Variants in CAV1 observed in about 807,000 individuals in gnomAD.
CAV1 encodes the protein caveolin-1.
CAV1 carries 10 observed loss-of-function variants against 16.5 expected under a neutral mutation model. That is an observed-to-expected ratio of 0.61 (90% confidence interval 0.37 to 1.03). CAV1 has a LOEUF of 1.03. Ranked by LOEUF, CAV1 falls within the 50% of genes least tolerant of loss-of-function variation. The pLI, the probability that CAV1 is intolerant of heterozygous loss-of-function variation, is 0.01. For synonymous variants in CAV1, 76 were observed against 85.1 expected, an observed-to-expected ratio of 0.89 and a Z score of 0.59; for missense variants, 212 against 232.8, an observed-to-expected ratio of 0.91 and a Z score of 0.58.
intron 2 of CAV1, among the ~76,000 whole-genome samples, chr7:116,544,110 A>C (rs935664195): frequency 1.3e-5 from 2 of 152,326 alleles, no homozygotes; most frequent in East Asian, 3.9e-4. Context: ...GGGCAGAGCT[A>C]TGCCAAAATC....
intron 1 of CAV1, chr7:116,525,393 G>A (rs1793535956): frequency 6.7e-7 from 1 of 1,494,510 alleles, no homozygotes; most frequent in East Asian, 2.6e-5. Flanking sequence ...TTTCTGGATG[G>A]GTCTAGGATG....
At chr7:116,525,198 C>T in intron 1 of CAV1, 106 bp downstream of exon 1, 1 of 1,613,734 alleles carries the variant, frequency 6.2e-7, no homozygotes, top group Non-Finnish European at 8.5e-7. Flanking sequence ...AGCCCTCTCT[C>T]CACTTCGGAG....
At position 116,526,695 on chromosome 7, in the gene CAV1, C is replaced by A. The variant is rs1278427225; in HGVS notation, c.195+6C>A. The A allele has an allele frequency of 6.2e-7, 1 of 1,613,994 alleles. No individual in the cohort carries two copies. Among genetic ancestry groups the A allele is most frequent in the Admixed American group, 1.7e-5 (1 of 60,022 alleles). ...TCAACGATGACGTGGTCAAGGTAAG[C>A]CAAGGCGACCAACAGGGAAGGGCTG... is the stretch of plus-strand genomic sequence containing the variant. On this transcript the variant is annotated splice_donor_region_variant and intron_variant, in intron 2 of 2. Transcript: ENST00000341049.
Position 116,559,670 on chromosome 7 carries a change from G to C in CAV1, c.*383G>C. ...CTCAACTGCCTACTCCAAAATGTTG[G>C]TCATTTTATGTTAAGGGAAGAATTC... On this transcript the variant is annotated 3_prime_UTR_variant, in exon 3 of 3. Coordinates refer to ENST00000341049, the MANE Select transcript of CAV1 (RefSeq NM_001753.5). 2 of 524,574 alleles carry C rather than the reference G, an allele frequency of 3.8e-6. No individual in the cohort carries two copies. Among genetic ancestry groups the C allele is most frequent in the Non-Finnish European group, 6.6e-6 (2 of 303,176 alleles). 32.5% of individuals were successfully genotyped at this position (524,574 alleles called of 1,614,324 possible). A position where few individuals can be genotyped will look rare whatever the true frequency, so the allele number is the denominator to read the frequency against.
At chr7:116,547,561 TA>T (rs1431124643) in intron 2 of CAV1, among the ~76,000 whole-genome samples, 1 of 152,200 alleles carries the variant, frequency 6.6e-6, no homozygotes, top group Non-Finnish European at 1.5e-5. Context: ...CTCATGGTAA[TA>T]AACTCCAGAA....
At chr7:116,529,140 A>T (rs777356009) in intron 2 of CAV1, among the ~76,000 whole-genome samples, 12 of 152,130 alleles carry the variant, frequency 7.9e-5, no homozygotes, top group African/African-American at 2.9e-4. Context: ...AACAACACAG[A>T]CTTCTTAAAA....
intron 2 of CAV1, among the ~76,000 whole-genome samples, chr7:116,527,925 A>G (rs1793602375): frequency 6.6e-6 from 1 of 152,206 alleles, no homozygotes; most frequent in African/African-American, 2.4e-5. Context: ...GAAAAAGGAA[A>G]ATTGGAGCAT....
At chr7:116,546,702 A>AAAAAAAAAAAAAAAAAAAT (rs1554356427) in intron 2 of CAV1, among the ~76,000 whole-genome samples, 2 of 142,948 alleles carry the variant, frequency 1.4e-5, no homozygotes, top group African/African-American at 2.6e-5. Flanking sequence ...TGTCACAAAA[A>AAAAAAAAAAAAAAAAAAAT]AAAAAAAAAA....
chr7:116,534,145 G>T (rs1297991690), intron 2 of CAV1, among the ~76,000 whole-genome samples: 1 of 151,600 alleles, frequency 6.6e-6, no homozygotes, highest in Non-Finnish European at 1.5e-5. Flanking sequence ...TTTAACCCGG[G>T]AGGCAGAAGT....
In CAV1 at chr7:116,557,708, C is replaced by CTTCTT. The variant is rs548570223; in HGVS notation, c.196-1225_196-1221dup. On this transcript the variant is annotated intron_variant, in intron 2 of 2. Coordinates refer to ENST00000341049, the MANE Select transcript of CAV1 (RefSeq NM_001753.5). ...ATTCTTCCCTTAGCATCTCTGGAAC[C>CTTCTT]TTCTTTTCTTTTCTTTTTTTTATGA... Among the ~76,000 whole-genome samples the CTTCTT allele has an allele frequency of 2.7e-3, 417 of 152,152 alleles. 2 individuals are homozygous for CTTCTT. Among genetic ancestry groups the CTTCTT allele is most frequent in the Non-Finnish European group, 3.6e-3 (247 of 67,996 alleles).
At chr7:116,536,142 C>A (rs973379377) in intron 2 of CAV1, among the ~76,000 whole-genome samples, 1 of 151,928 alleles carries the variant, frequency 6.6e-6, no homozygotes, top group Non-Finnish European at 1.5e-5. Context: ...AGAAGCTGAG[C>A]CCAAGCAGTG....
intron 2 of CAV1, among the ~76,000 whole-genome samples, chr7:116,541,772 A>T (rs1261889154): frequency 1.5e-5 from 2 of 137,076 alleles, no homozygotes; most frequent in Non-Finnish European, 3.2e-5. Flanking sequence ...AAAAAAAAAA[A>T]GTGTTAGGTG....
chr7:116,534,374 TATATATA>T (rs1793752294), intron 2 of CAV1, among the ~76,000 whole-genome samples: 2 of 14,894 alleles, frequency 1.3e-4, no homozygotes, highest in Non-Finnish European at 3.2e-4. Flanking sequence ...TATATATATA[TATATATA>T]TATATATATA....
At position 116,533,359 on chromosome 7, in the gene CAV1, A is replaced by AAAT. The variant is rs1335303211; in HGVS notation, c.195+6673_195+6675dup. Among the ~76,000 whole-genome samples, 4 of 15,276 alleles carry AAAT rather than the reference A, an allele frequency of 2.6e-4. 1 individual carries two copies. In the South Asian group the frequency reaches 0.013, roughly 51 times the overall value. 10.0% of individuals were successfully genotyped at this position (15,276 alleles called of 152,430 possible). A position where few individuals can be genotyped will look rare whatever the true frequency, so the allele number is the denominator to read the frequency against. On this transcript the variant is annotated intron_variant, in intron 2 of 2. Coordinates refer to ENST00000341049, the MANE Select transcript of CAV1 (RefSeq NM_001753.5). The stretch of plus-strand genomic sequence containing the variant: ...CTCAAAAAATAAAATAAATAAAATA[A>AAAT]AATAAAATAAAATAAAATAAAATAA...
chr7:116,537,669 T>C (rs991509880), intron 2 of CAV1, among the ~76,000 whole-genome samples: 1 of 152,134 alleles, frequency 6.6e-6, no homozygotes, highest in Non-Finnish European at 1.5e-5. Flanking sequence ...TGGAAAGAGA[T>C]GACAGTGTCC....
At chr7:116,525,180 C>CT (rs958623757) in intron 1 of CAV1, 88 bp downstream of exon 1, 1 of 1,612,868 alleles carries the variant, frequency 6.2e-7, no homozygotes, top group Non-Finnish European at 8.5e-7. Flanking sequence ...GACTGCTGCC[C>CT]TGGCCCCAGC....
chr7:116,525,448 G>A, intron 1 of CAV1: 16 of 1,384,482 alleles, frequency 1.2e-5, no homozygotes, highest in Middle Eastern at 2.4e-4. Flanking sequence ...GCCTGCTGGG[G>A]GTTCGAAGAG....
Position 116,555,608 on chromosome 7 carries a change from A to AGAGAGAGAGAG in CAV1, c.196-3338_196-3337insGAGAGAGAGAG, listed in dbSNP as rs1584785851. Among the ~76,000 whole-genome samples the AGAGAGAGAGAG allele has an allele frequency of 2.3e-5, 3 of 131,842 alleles. No individual in the cohort carries two copies. In the East Asian group the frequency reaches 6.9e-4, roughly 30 times the overall value. The allele number at this position is 131,842 out of a possible 152,430, so 86.5% of individuals were successfully genotyped here. On this transcript the variant is annotated intron_variant, in intron 2 of 2. Transcript: ENST00000341049. ...AGAAAGAAAGAAAGAAAGAAAGAGA[A>AGAGAGAGAGAG]AGAAAGAAAGAAGGGAGGGAGGGAG...
intron 2 of CAV1, chr7:116,551,972 G>T (rs1794173526): frequency 1.3e-5 from 2 of 154,050 alleles, no homozygotes; most frequent in Non-Finnish European, 2.9e-5. Context: ...CATGGCAGCT[G>T]GTTTCCAGTA....
Sources: gnomAD v4.1 joint callset for allele counts (sites outside exome capture counted in the v4.1 genomes callset) on GRCh38, gnomAD v4.1.1 for gene constraint, MANE v1.5 for transcripts, NCBI Gene and HGNC (gene_info 2026-07-23, HGNC 2026-07-21) for gene names.